Variants in SLC1A3 observed in about 807,000 individuals in gnomAD.
SLC1A3 encodes excitatory amino acid transporter 1.
In SLC1A3, 21 loss-of-function variants were observed where a neutral mutation model predicts 48.1. The ratio of observed to expected loss-of-function variants is 0.44; its 90% CI spans 0.31 to 0.63. The LOEUF is 0.63. Ranked by LOEUF, SLC1A3 falls within the 20% of genes least tolerant of loss-of-function variation. SLC1A3 has a pLI of 0.08. For missense variants in SLC1A3, 546 were observed against 689.0 expected, an observed-to-expected ratio of 0.79 and a Z score of 2.32; for synonymous variants, 239 against 251.4, an observed-to-expected ratio of 0.95 and a Z score of 0.47.
At chr5:36,606,569 C>T (rs935980549), upstream of SLC1A3, 2 of 152,286 alleles carry the variant, frequency 1.3e-5, no homozygotes, top group Non-Finnish European at 2.9e-5. Context: ...GACTCCTCCC[C>T]TTTTCTTAAG....
intron 3 of SLC1A3, among the ~76,000 whole-genome samples, chr5:36,664,510 C>T (rs1012774648): frequency 6.6e-6 from 1 of 150,672 alleles, no homozygotes; most frequent in Non-Finnish European, 1.5e-5. Context: ...TTTTTTTTTA[C>T]CAGAAACTAC....
intron 3 of SLC1A3, among the ~76,000 whole-genome samples, chr5:36,650,814 T>C (rs749542327): frequency 2.5e-4 from 38 of 152,240 alleles, no homozygotes; most frequent in Non-Finnish European, 1.0e-4. Flanking sequence ...GGCCAGCCTT[T>C]GGCAATGCAA....
In SLC1A3 at chr5:36,652,041, T is replaced by A. The variant is rs1022659887; in HGVS notation, c.320-18988T>A. On this transcript the variant is annotated intron_variant, in intron 3 of 9. Coordinates refer to ENST00000265113, the MANE Select transcript of SLC1A3 (RefSeq NM_004172.5). ...CTACTGCCAATTTATGTGGTTGGCT[T>A]TTTTATCTTTTTAAACAGGCAAAGA... is the stretch of plus-strand genomic sequence containing the variant. Among the ~76,000 whole-genome samples, 3 of 152,174 alleles carry A rather than the reference T, an allele frequency of 2.0e-5. No homozygotes were observed. The East Asian group carries it at 5.8e-4, about 29-fold the overall frequency.
At chr5:36,669,668 C>T (rs940560562) in intron 3 of SLC1A3, 4 of 152,176 alleles carry the variant, frequency 2.6e-5, no homozygotes, top group Non-Finnish European at 2.9e-5. Context: ...GATTCAAATA[C>T]GAATGAAATT....
chr5:36,602,498 A>C (rs1454611620), upstream of SLC1A3, among the ~76,000 whole-genome samples: 1 of 152,250 alleles, frequency 6.6e-6, no homozygotes, highest in Non-Finnish European at 1.5e-5. Flanking sequence ...TCTTGGTTCT[A>C]CAAAGTCTTG....
intron 3 of SLC1A3, among the ~76,000 whole-genome samples, chr5:36,650,511 A>G (rs561397499): frequency 2.2e-4 from 34 of 152,298 alleles, no homozygotes; most frequent in African/African-American, 7.2e-4. Flanking sequence ...CACATTCTCT[A>G]TCACCAGCTT....
rs765991239 is a variant in SLC1A3 at position 36,677,084 on chromosome 5, G to A, written c.760G>A (p.Gly254Ser). Residue 254 changes from glycine to serine, a missense_variant, in exon 6 of 10, where the codon GGT (glycine) becomes AGT (serine). Transcript: ENST00000265113. ...LGLVVFSMCFGFVIGNMKEQG... is the reference protein window; with the variant it reads ...LGLVVFSMCFSFVIGNMKEQG... ...TCTAGTTGTCTTCTCCATGTGCTTCGGTTTTGTGATTGGAAACATGAAGGA... is the reference window on the plus strand; with the variant it reads ...TCTAGTTGTCTTCTCCATGTGCTTCAGTTTTGTGATTGGAAACATGAAGGA... 6.2e-6 allele frequency: 10 copies of A among 1,613,964 alleles called. No homozygotes were observed. The highest frequency in any genetic ancestry group is 1.1e-5 in the South Asian group (1 of 91,082).
At chr5:36,658,678 TGTG>T (rs1741382424) in intron 3 of SLC1A3, among the ~76,000 whole-genome samples, 1 of 152,166 alleles carries the variant, frequency 6.6e-6, no homozygotes, top group Non-Finnish European at 1.5e-5. Context: ...TGAGCACCAT[TGTG>T]GTGGGACTCA....
At chr5:36,662,598 A>T (rs947470993) in intron 3 of SLC1A3, among the ~76,000 whole-genome samples, 1 of 152,192 alleles carries the variant, frequency 6.6e-6, no homozygotes, top group African/African-American at 2.4e-5. Context: ...GCACATTCCA[A>T]TACAGTGAGC....
intron 4 of SLC1A3, 71 bp from the exon 5 acceptor site, chr5:36,673,978 A>G: frequency 4.9e-6 from 6 of 1,213,954 alleles, no homozygotes; most frequent in African/African-American, 1.5e-5. Flanking sequence ...CCTTACACAC[A>G]ATGAAACAGA....
chr5:36,680,583 C>G lies in SLC1A3; in HGVS notation c.1283C>G (p.Thr428Arg). The change falls in exon 8 of 10, where the codon ACA becomes AGA. Residue 428 changes from threonine (T) to arginine (R), a missense_variant. By Grantham distance (71) the Thr-to-Arg change is moderately conservative (BLOSUM62 -1). This residue lies in a region of SLC1A3 where 142 missense variants were observed against 238.0 expected (regional missense o/e 0.60). Coordinates refer to ENST00000265113, the MANE Select transcript of SLC1A3 (RefSeq NM_004172.5). Reference sequence around the variant, plus strand: ...GAACTGAACTTCGGACAAATTATTACAATCAGGTACAAGGAAAGAGTTCTA... The same window carrying G: ...GAACTGAACTTCGGACAAATTATTAGAATCAGGTACAAGGAAAGAGTTCTA... ...NFELNFGQII[T>R]ISITATAASI... 3.1e-6 allele frequency: 5 copies of G among 1,613,018 alleles called. No homozygotes were observed. The highest frequency in any genetic ancestry group is 4.2e-6 in the Non-Finnish European group (5 of 1,178,954).
chr5:36,658,220 TGAG>T (rs1229137788), intron 3 of SLC1A3, among the ~76,000 whole-genome samples: 3 of 151,664 alleles, frequency 2.0e-5, no homozygotes, highest in Non-Finnish European at 2.9e-5. Flanking sequence ...CCACAGGAAA[TGAG>T]GACGAGAGCA....
intron 2 of SLC1A3, among the ~76,000 whole-genome samples, chr5:36,614,884 T>G (rs1739368598): frequency 6.6e-6 from 1 of 152,172 alleles, no homozygotes; most frequent in Non-Finnish European, 1.5e-5. Context: ...CTTAATGTTG[T>G]TCTAAGTGTA....
Position 36,671,141 on chromosome 5 carries a change from C to A in SLC1A3, c.432C>A (p.Ile144=), listed in dbSNP as rs1245793244. ...TGATTGGCATAATCATTGTCATCAT[C>A]ATCCATCCTGGGAAGGGCACAAAGG... The part of the protein sequence containing the change: ...AVVIGIIIVI[I]IHPGKGTKEN... Residue 144 remains isoleucine (I), a synonymous_variant, in exon 4 of 10, where the codon ATC becomes ATA. Coordinates refer to ENST00000265113, the MANE Select transcript of SLC1A3 (RefSeq NM_004172.5). The A allele has an allele frequency of 1.2e-6, 2 of 1,613,798 alleles. No homozygotes were observed. Among genetic ancestry groups the A allele is most frequent in the Non-Finnish European group, 1.7e-6 (2 of 1,179,700 alleles).
At chr5:36,622,392 G>A (rs924277172) in intron 2 of SLC1A3, among the ~76,000 whole-genome samples, 1 of 152,174 alleles carries the variant, frequency 6.6e-6, no homozygotes, top group African/African-American at 2.4e-5. Context: ...TCATGACAAA[G>A]TTCGCAGATA....
chr5:36,628,420 C>T (rs1418838725), intron 2 of SLC1A3, among the ~76,000 whole-genome samples: 1 of 152,156 alleles, frequency 6.6e-6, no homozygotes, highest in African/African-American at 2.4e-5. Context: ...CACCAACCCA[C>T]CACCCCCAGC....
rs770370009 is a variant in SLC1A3, at chr5:36,679,633, C to G, written c.867C>G (p.Ala289=). The change falls in exon 7 of 10, where the codon GCC becomes GCG. Residue 289 remains alanine, a synonymous_variant. Transcript: ENST00000265113. ...MRLVAVIMWY[A]PVGILFLIAG... is the part of the protein sequence containing the mutation. Reference sequence around the variant, plus strand: ...TGGTGTTGCTTCTCCCCAGGTATGCCCCCGTGGGTATTCTCTTCCTGATTG... The same window carrying G: ...TGGTGTTGCTTCTCCCCAGGTATGCGCCCGTGGGTATTCTCTTCCTGATTG... 4 of 1,611,644 alleles carry G rather than the reference C, an allele frequency of 2.5e-6. No individual in the cohort carries two copies. Among genetic ancestry groups the G allele is most frequent in the Non-Finnish European group, 3.4e-6 (4 of 1,177,932 alleles).
chr5:36,618,537 G>A (rs948944260), intron 2 of SLC1A3, among the ~76,000 whole-genome samples: 4 of 152,186 alleles, frequency 2.6e-5, no homozygotes, highest in Admixed American at 6.5e-5. Flanking sequence ...AACAGTCTGA[G>A]CACAGATGGG....
intron 2 of SLC1A3, among the ~76,000 whole-genome samples, chr5:36,613,989 C>T (rs751034756): frequency 2.0e-5 from 3 of 152,154 alleles, no homozygotes; most frequent in Non-Finnish European, 2.9e-5. Context: ...GCACTCCAGG[C>T]GCTGCCTCCT....
Sources: gnomAD v4.1 joint callset for allele counts (sites outside exome capture counted in the v4.1 genomes callset) on GRCh38, gnomAD v4.1.1 for gene constraint, gnomAD v4.1.1 regional missense constraint, MANE v1.5 for transcripts, NCBI Gene and HGNC (gene_info 2026-07-23, HGNC 2026-07-21) for gene names.